SLC16A14: variants seen among roughly 807,000 people sequenced by gnomAD.
SLC16A14 encodes the protein monocarboxylate transporter 14.
SLC16A14 carries 14 observed loss-of-function variants against 35.8 expected under a neutral mutation model. That is an observed-to-expected ratio of 0.39 (90% confidence interval 0.26 to 0.61). The LOEUF (loss-of-function observed/expected upper bound fraction) is 0.61, where lower values mean the gene tolerates loss of function less well. SLC16A14 is among the 20% of genes least tolerant of loss of function. The pLI is 0.51. For missense variants in SLC16A14, 533 were observed against 655.0 expected, an observed-to-expected ratio of 0.81 and a Z score of 2.03; for synonymous variants, 248 against 258.9, an observed-to-expected ratio of 0.96 and a Z score of 0.40.
intron 3 of SLC16A14, among the ~76,000 whole-genome samples, chr2:230,048,687 G>T (rs2077628892): frequency 6.6e-6 from 1 of 152,076 alleles, no homozygotes; most frequent in South Asian, 2.1e-4. Flanking sequence ...ACTTTGGGAG[G>T]CTAAGGCAGG....
rs1386520055 is a variant in SLC16A14, at chr2:230,038,085, A to AT, written c.1382-555dup. 6.6e-6 allele frequency among the ~76,000 whole-genome samples: 1 copy of AT among 152,226 alleles called. No homozygotes were observed. The highest frequency in any genetic ancestry group is 1.9e-4 in the East Asian group (1 of 5,202). On this transcript the variant is annotated intron_variant, in intron 4 of 4. Coordinates refer to ENST00000295190, the MANE Select transcript of SLC16A14 (RefSeq NM_152527.5). This position sits in a 1 kb window ranked among gnomAD's most constrained non-coding sequence, Gnocchi z 4.4. The stretch of plus-strand genomic sequence containing the variant: ...AATCAAAATCTTCAGGTGTTATAAA[A>AT]TTCACATTTACAGTCACAAAACTTT...
chr2:230,048,748 ACCC>A (rs2106257590), intron 3 of SLC16A14, among the ~76,000 whole-genome samples: 1 of 151,862 alleles, frequency 6.6e-6, no homozygotes, highest in South Asian at 2.1e-4. Context: ...ACATGGAGAA[ACCC>A]TGTCTCTACT....
chr2:230,039,609 CA>C lies in SLC16A14; in HGVS notation c.1382-2079del, dbSNP rs138493049. 6.6e-4 allele frequency among the ~76,000 whole-genome samples: 101 copies of C among 152,288 alleles called. 2 individuals are homozygous for C. The East Asian group carries it at 0.018, about 27-fold the overall frequency. Reference sequence around the variant, plus strand: ...CAGAGTGATCTGTATCTGCAGAATACATGATGGGAATAACTGTAATCTACAA... The same window carrying C: ...CAGAGTGATCTGTATCTGCAGAATACTGATGGGAATAACTGTAATCTACAA... On this transcript the variant is annotated intron_variant, in intron 4 of 4. Transcript: ENST00000295190.
rs777844673 is a variant in SLC16A14, at chr2:230,046,370, C to T, written c.756G>A (p.Gly252=). The T allele has an allele frequency of 7.8e-5, 126 of 1,614,196 alleles. 2 individuals carry two copies. In the South Asian group the frequency reaches 1.3e-3, roughly 17 times the overall value. Residue 252 remains glycine (G), a synonymous_variant, in exon 4 of 5, where the codon GGG becomes GGA. Transcript: ENST00000295190. The surrounding 1 kb of genome is among the most constrained non-coding windows in gnomAD (Gnocchi z 5.0). The stretch of plus-strand genomic sequence containing the variant: ...CGCAGAGGGTCTCCTCGTTCCCGAG[C>T]CCACCATCCTTCTCTTCTGTTCTTC... ...QQGRTEEKDG[G]LGNEETLCDL... is the part of the protein sequence containing the mutation.
intron 2 of SLC16A14, among the ~76,000 whole-genome samples, chr2:230,057,083 T>C (rs1004119647): frequency 3.3e-5 from 5 of 152,086 alleles, no homozygotes; most frequent in South Asian, 2.1e-4. Context: ...AAATATATTA[T>C]AAATATTTTA....
In SLC16A14 at chr2:230,037,355, A is replaced by G. The variant is rs2077526422; in HGVS notation, c.*25T>C. ...GAGGTAGGCATGAGTATTACAATGA[A>G]ACCTACACGGAACATTACATGATAC... On this transcript the variant is annotated 3_prime_UTR_variant, in exon 5 of 5. Transcript: ENST00000295190. 6.4e-7 allele frequency: 1 copy of G among 1,565,978 alleles called. No homozygotes were observed.
chr2:230,044,329 T>A (rs1254137947), intron 4 of SLC16A14, among the ~76,000 whole-genome samples: 1 of 144,710 alleles, frequency 6.9e-6, no homozygotes. Flanking sequence ...AAAAAAAAAA[T>A]TAGCTGGGCA....
At position 230,046,422 on chromosome 2, in the gene SLC16A14, T is replaced by G. The variant is rs181493667; in HGVS notation, c.704A>C (p.Glu235Ala). ...CTGCTGTCCAGTTGACTTCACAGATTCTGTGGAGTGCGCTGGCAGGCCACG... is the reference window on the plus strand; with the variant it reads ...CTGCTGTCCAGTTGACTTCACAGATGCTGTGGAGTGCGCTGGCAGGCCACG... ...DVRGLPAHSTESVKSTGQQGR... is the reference protein window; with the variant it reads ...DVRGLPAHSTASVKSTGQQGR... The change falls in exon 4 of 5, where the codon GAA becomes GCA. Residue 235 changes from glutamate to alanine, a missense_variant. Physicochemically the swap from Glu to Ala is moderately radical, Grantham distance 107. Transcript: ENST00000295190. This position sits in a 1 kb window ranked among gnomAD's most constrained non-coding sequence, Gnocchi z 5.0. 20 of 1,614,238 alleles carry G rather than the reference T, an allele frequency of 1.2e-5. No individual in the cohort carries two copies. Among genetic ancestry groups the G allele is most frequent in the Admixed American group, 6.7e-5 (4 of 60,034 alleles).
chr2:230,046,392 C>T lies in SLC16A14; in HGVS notation c.734G>A (p.Arg245Lys), dbSNP rs745995659. 1 of 1,614,218 alleles carries T rather than the reference C, an allele frequency of 6.2e-7. No homozygotes were observed. The highest frequency in any genetic ancestry group is 8.5e-7 in the Non-Finnish European group (1 of 1,180,048). ...ESVKSTGQQG[R>K]TEEKDGGLGN... ...GAGCCCACCATCCTTCTCTTCTGTT[C>T]TTCCCTGCTGTCCAGTTGACTTCAC... Residue 245 changes from arginine to lysine, a missense_variant, in exon 4 of 5, where the codon AGA becomes AAA. Transcript: ENST00000295190. This position sits in a 1 kb window ranked among gnomAD's most constrained non-coding sequence, Gnocchi z 5.0.
chr2:230,043,668 G>A (rs2077577677), intron 4 of SLC16A14, among the ~76,000 whole-genome samples: 1 of 152,218 alleles, frequency 6.6e-6, no homozygotes, highest in Non-Finnish European at 1.5e-5. Context: ...CACCAGCCCT[G>A]GCTGTCTGAG....
intron 2 of SLC16A14, among the ~76,000 whole-genome samples, chr2:230,051,053 G>A (rs886507121): frequency 1.3e-5 from 2 of 152,178 alleles, no homozygotes; most frequent in Admixed American, 6.5e-5. Context: ...ATGGAGATTC[G>A]GGAATCCATT....
At chr2:230,054,094 G>GGA (rs1553820335) in intron 2 of SLC16A14, among the ~76,000 whole-genome samples, 3 of 151,436 alleles carry the variant, frequency 2.0e-5, no homozygotes, top group African/African-American at 4.9e-5. Context: ...GGTGGGGGGG[G>GGA]AAGTTAAAGC....
intron 1 of SLC16A14, chr2:230,067,056 T>C (rs1249503832): frequency 5.8e-6 from 1 of 171,136 alleles, no homozygotes; most frequent in African/African-American, 2.4e-5. Context: ...CAGAGCGTGG[T>C]GGTAGCGGCT....
At chr2:230,063,239 T>C (rs949789306) in intron 1 of SLC16A14, among the ~76,000 whole-genome samples, 5 of 136,854 alleles carry the variant, frequency 3.7e-5, no homozygotes, top group African/African-American at 1.1e-4. Flanking sequence ...AGTAGTGAGG[T>C]GAGATCACGT....
Position 230,068,107 on chromosome 2 carries a change from G to C in SLC16A14, c.-15+448C>G, listed in dbSNP as rs2077816891. 1.3e-5 allele frequency: 2 copies of C among 152,614 alleles called. No homozygotes were observed. The highest frequency in any genetic ancestry group is 3.8e-4 in the East Asian group (2 of 5,210). 9.5% of individuals were successfully genotyped at this position (152,614 alleles called of 1,614,324 possible). On this transcript the variant is annotated intron_variant, in intron 1 of 4. Coordinates refer to ENST00000295190, the MANE Select transcript of SLC16A14 (RefSeq NM_152527.5). This position sits in a 1 kb window ranked among gnomAD's most constrained non-coding sequence, Gnocchi z 5.1. ...GCACCCCGCGAAGTCCCTAGGCGCAGCCCCGGGTCCCCCGCTCTGCGCCTC... is the reference window on the plus strand; with the variant it reads ...GCACCCCGCGAAGTCCCTAGGCGCACCCCCGGGTCCCCCGCTCTGCGCCTC...
intron 2 of SLC16A14, among the ~76,000 whole-genome samples, chr2:230,058,564 A>G (rs2077725790): frequency 6.6e-6 from 1 of 152,122 alleles, no homozygotes; most frequent in Non-Finnish European, 1.5e-5. Flanking sequence ...AGTTCTAAAG[A>G]TGGATGGTGG....
At chr2:230,044,712 G>GTGTGTGTGTGTGTGTGTGTGTGTA (rs2077587887) in intron 4 of SLC16A14, among the ~76,000 whole-genome samples, 1 of 103,200 alleles carries the variant, frequency 9.7e-6, no homozygotes, top group Non-Finnish European at 2.0e-5. Context: ...ATTTGTGTGT[G>GTGTGTGTGTGTGTGTGTGTGTGTA]TGTGTGTGTG....
At chr2:230,040,794 G>C (rs551752688) in intron 4 of SLC16A14, among the ~76,000 whole-genome samples, 1 of 152,052 alleles carries the variant, frequency 6.6e-6, no homozygotes, top group Non-Finnish European at 1.5e-5. Context: ...ATCTCCCTTT[G>C]GTGCCTGTTT....
chr2:230,065,232 A>G (rs2077783983), intron 1 of SLC16A14, among the ~76,000 whole-genome samples: 1 of 152,236 alleles, frequency 6.6e-6, no homozygotes, highest in Non-Finnish European at 1.5e-5. Flanking sequence ...CATGAGGCAC[A>G]AGGGTGCATG....
Sources: allele counts gnomAD v4.1 joint callset (sites outside exome capture counted in the v4.1 genomes callset), GRCh38; gene constraint gnomAD v4.1.1; non-coding constraint Gnocchi (gnomAD v3.1); transcripts MANE v1.5; gene names NCBI Gene and HGNC (gene_info 2026-07-23, HGNC 2026-07-21).